Variants in XXYLT1 observed in about 807,000 individuals in gnomAD.
The protein encoded by XXYLT1 is UDP-xylose:alpha-xyloside alpha-1,3-xylosyltransferase.
XXYLT1 carries 20 observed loss-of-function variants against 28.9 expected under a neutral mutation model. The ratio of observed to expected loss-of-function variants is 0.69; its 90% CI spans 0.49 to 1.00. The LOEUF is 1.00. XXYLT1 is among the 50% of genes least tolerant of loss of function. The pLI is 0.00. For synonymous variants in XXYLT1, 257 were observed against 253.8 expected, an observed-to-expected ratio of 1.01 and a Z score of -0.12; for missense variants, 542 against 560.1, an observed-to-expected ratio of 0.97 and a Z score of 0.33.
chr3:195,232,470 CA>C (rs1263881184), intron 1 of XXYLT1, among the ~76,000 whole-genome samples: 1 of 152,116 alleles, frequency 6.6e-6, no homozygotes, highest in Admixed American at 6.5e-5. Flanking sequence ...TAAGACGCAT[CA>C]TTAGGTGGTT....
intron 2 of XXYLT1, among the ~76,000 whole-genome samples, chr3:195,200,955 T>A (rs907311606): frequency 2.6e-5 from 4 of 152,138 alleles, no homozygotes; most frequent in Admixed American, 1.3e-4. Context: ...TACATTGAAG[T>A]TACCCAGGGT....
At position 195,180,286 on chromosome 3, in the gene XXYLT1, A is replaced by G. The variant is rs1344207476; in HGVS notation, c.653-23705T>C. The G allele has an allele frequency of 7.9e-5, 77 of 978,850 alleles. No individual in the cohort carries two copies. The highest frequency in any genetic ancestry group is 8.5e-5 in the Non-Finnish European group (70 of 824,094). 60.6% of individuals were successfully genotyped at this position (978,850 alleles called of 1,614,324 possible). On this transcript the variant is annotated intron_variant, in intron 2 of 3. Transcript: ENST00000310380. The surrounding 1 kb of genome is among the most constrained non-coding windows in gnomAD (Gnocchi z 5.8). ...ACACTCGGTCCCCCAGTTACAGGAA[A>G]GGTCCCTTCCATCCTGGGGACCCAA...
In XXYLT1 at chr3:195,176,312, AG is replaced by A. The variant is rs1721663447; in HGVS notation, c.653-19732del. On this transcript the variant is annotated intron_variant, in intron 2 of 3. Coordinates refer to ENST00000310380, the MANE Select transcript of XXYLT1 (RefSeq NM_152531.5). The surrounding 1 kb of genome is among the most constrained non-coding windows in gnomAD (Gnocchi z 4.9). The stretch of plus-strand genomic sequence containing the variant: ...GACCACATTCCAGTAATGACCTGAA[AG>A]GGAGAAGAGGTGACGTTCCCCTGCC... 6.6e-6 allele frequency among the ~76,000 whole-genome samples: 1 copy of A among 152,190 alleles called. No individual in the cohort carries two copies. The highest frequency in any genetic ancestry group is 1.5e-5 in the Non-Finnish European group (1 of 68,034).
intron 3 of XXYLT1, among the ~76,000 whole-genome samples, chr3:195,096,345 A>G (rs1319300770): frequency 1.3e-5 from 2 of 152,212 alleles, no homozygotes; most frequent in Non-Finnish European, 2.9e-5. Flanking sequence ...AGAGGCCTCC[A>G]GGTGCGGAGA....
At chr3:195,083,577 C>T (rs1054323231) in intron 3 of XXYLT1, among the ~76,000 whole-genome samples, 4 of 152,284 alleles carry the variant, frequency 2.6e-5, no homozygotes, top group South Asian at 2.1e-4. Flanking sequence ...TGGACAAGCA[C>T]CATGCCCAGA....
chr3:195,143,813 TAGA>T (rs1719636421), intron 3 of XXYLT1, among the ~76,000 whole-genome samples: 1 of 97,298 alleles, frequency 1.0e-5, no homozygotes, highest in Non-Finnish European at 2.1e-5. Context: ...TAGATATATA[TAGA>T]TATAGATATA....
Position 195,209,844 on chromosome 3 carries a change from G to A in XXYLT1, c.652+16865C>T, listed in dbSNP as rs917928219. 2 of 152,724 alleles carry A rather than the reference G, an allele frequency of 1.3e-5. No homozygotes were observed. Among genetic ancestry groups the A allele is most frequent in the African/African-American group, 2.4e-5 (1 of 41,460 alleles). The allele number at this position is 152,724 out of a possible 1,614,324, so 9.5% of individuals were successfully genotyped here. A position where few individuals can be genotyped will look rare whatever the true frequency, so the allele number is the denominator to read the frequency against. Reference sequence around the variant, plus strand: ...AAGGGGACAGAAAACGGAAAAGCAGGCCCGAGACTCCGTCCAAGGCGGCTG... The same window carrying A: ...AAGGGGACAGAAAACGGAAAAGCAGACCCGAGACTCCGTCCAAGGCGGCTG... On this transcript the variant is annotated intron_variant, in intron 2 of 3. Coordinates refer to ENST00000310380, the MANE Select transcript of XXYLT1 (RefSeq NM_152531.5). This position sits in a 1 kb window ranked among gnomAD's most constrained non-coding sequence, Gnocchi z 5.0.
At chr3:195,204,877 C>A (rs1024863113) in intron 2 of XXYLT1, among the ~76,000 whole-genome samples, 5 of 152,200 alleles carry the variant, frequency 3.3e-5, no homozygotes, top group African/African-American at 9.6e-5. Flanking sequence ...AAAAAGGAAG[C>A]ACTAATAGAC....
chr3:195,179,801 G>C (rs1162234671), intron 2 of XXYLT1, among the ~76,000 whole-genome samples: 2 of 152,182 alleles, frequency 1.3e-5, no homozygotes, highest in Non-Finnish European at 2.9e-5. Flanking sequence ...CAGCCGTAGA[G>C]ATGTGGGACA....
intron 3 of XXYLT1, among the ~76,000 whole-genome samples, chr3:195,112,631 ACC>A (rs1158493265): frequency 3.7e-5 from 5 of 136,390 alleles, no homozygotes; most frequent in African/African-American, 1.3e-4. Flanking sequence ...GCACACACAC[ACC>A]CCCATGCACA....
chr3:195,175,190 C>T (rs529221378), intron 2 of XXYLT1, among the ~76,000 whole-genome samples: 3 of 152,180 alleles, frequency 2.0e-5, no homozygotes, highest in Admixed American at 1.3e-4. Flanking sequence ...CAGGGCAGAG[C>T]GGTCAGGGAA....
intron 3 of XXYLT1, among the ~76,000 whole-genome samples, chr3:195,103,443 A>AGCGGCCTGCGTCCATCACCCCACT (rs1560095955): frequency 2.1e-5 from 1 of 48,556 alleles, no homozygotes; most frequent in Non-Finnish European, 5.6e-5. Context: ...ATCACCCCAC[A>AGCGGCCTGCGTCCATCACCCCACT]CCAGCGGCCT....
At chr3:195,260,855 A>G (rs1186632251) in intron 1 of XXYLT1, among the ~76,000 whole-genome samples, 2 of 152,178 alleles carry the variant, frequency 1.3e-5, no homozygotes, top group African/African-American at 4.8e-5. Flanking sequence ...CCTGAAGCAG[A>G]TGAGAGGGAA....
Position 195,176,992 on chromosome 3 carries a change from G to A in XXYLT1, c.653-20411C>T, listed in dbSNP as rs1171078758. On this transcript the variant is annotated intron_variant, in intron 2 of 3. Transcript: ENST00000310380. The surrounding 1 kb of genome is among the most constrained non-coding windows in gnomAD (Gnocchi z 4.9). ...CGCCACAGCAGGTCGGGGACCACAT[G>A]CCGCCCTCCTCGCTGGGCTCTCACA... Among the ~76,000 whole-genome samples, 1 of 152,204 alleles carries A rather than the reference G, an allele frequency of 6.6e-6. No homozygotes were observed. Among genetic ancestry groups the A allele is most frequent in the Admixed American group, 6.5e-5 (1 of 15,284 alleles).
chr3:195,241,525 C>T (rs765243360), intron 1 of XXYLT1, among the ~76,000 whole-genome samples: 1 of 152,090 alleles, frequency 6.6e-6, no homozygotes, highest in Non-Finnish European at 1.5e-5. Context: ...CAAAACAAAA[C>T]ATTGTTTTCC....
At chr3:195,102,606 G>A (rs544917450) in intron 3 of XXYLT1, among the ~76,000 whole-genome samples, 2 of 152,146 alleles carry the variant, frequency 1.3e-5, no homozygotes, top group Admixed American at 6.5e-5. Flanking sequence ...TTTCATCCAC[G>A]CTGTGGCAAA....
intron 1 of XXYLT1, among the ~76,000 whole-genome samples, chr3:195,260,250 C>T (rs1455718755): frequency 6.6e-6 from 1 of 150,824 alleles, no homozygotes; most frequent in African/African-American, 2.4e-5. Context: ...GCCCGTGTGT[C>T]GGCCCCGGGC....
chr3:195,126,160 T>G (rs1185736930), intron 3 of XXYLT1, among the ~76,000 whole-genome samples: 3 of 152,202 alleles, frequency 2.0e-5, no homozygotes, highest in African/African-American at 7.2e-5. Context: ...TGAGTTGAGT[T>G]CTACCCCTAA....
At chr3:195,165,349 G>C (rs1309798617) in intron 2 of XXYLT1, among the ~76,000 whole-genome samples, 1 of 152,090 alleles carries the variant, frequency 6.6e-6, no homozygotes, top group African/African-American at 2.4e-5. Flanking sequence ...AAACTCCTGA[G>C]ATCCTCTCCC....
Sources: allele counts gnomAD v4.1 joint callset (sites outside exome capture counted in the v4.1 genomes callset), GRCh38; gene constraint gnomAD v4.1.1; non-coding constraint Gnocchi (gnomAD v3.1); transcripts MANE v1.5; gene names NCBI Gene and HGNC (gene_info 2026-07-23, HGNC 2026-07-21).